The following DPP3 variants were observed in gnomAD, a reference collection of about 807,000 sequenced individuals.
The protein encoded by DPP3 is DPP III.
A neutral mutation model predicts 89.8 loss-of-function variants in DPP3; 64 were observed. That is an observed-to-expected ratio of 0.71 (90% CI 0.58 to 0.88). The LOEUF (loss-of-function observed/expected upper bound fraction) is 0.88, where lower values mean the gene tolerates loss of function less well. DPP3 is among the 40% of genes least tolerant of loss of function. The pLI is 0.00. For synonymous variants in DPP3, 377 were observed against 404.3 expected, an observed-to-expected ratio of 0.93 and a Z score of 0.81; for missense variants, 835 against 972.5, an observed-to-expected ratio of 0.86 and a Z score of 1.88.
In DPP3 at chr11:66,482,260, T is replaced by TGAGGCCTTCCGC; in HGVS notation, c.61_72dup (p.Glu21_Arg24dup). The TGAGGCCTTCCGC allele has an allele frequency of 1.2e-6, 2 of 1,614,188 alleles. No individual in the cohort carries two copies. The highest frequency in any genetic ancestry group is 1.7e-6 in the Non-Finnish European group (2 of 1,180,034). The stretch of plus-strand genomic sequence containing the variant: ...TCGGCGTGTCTAGCCTGGACTGCCG[T>TGAGGCCTTCCGC]GAGGCCTTCCGCCTGCTGTCACCCA... On this transcript the variant is annotated inframe_insertion, in exon 2 of 18. Coordinates refer to ENST00000531863, the MANE Select transcript of DPP3 (RefSeq NM_130443.4).
chr11:66,499,921 A>G (rs1855637113), intron 16 of DPP3, among the ~76,000 whole-genome samples: 1 of 152,066 alleles, frequency 6.6e-6, no homozygotes. Flanking sequence ...GTGTGTATGT[A>G]TGGTGAAAAA....
chr11:66,482,550 C>A, intron 2 of DPP3, 80 bp downstream of exon 2: 2 of 1,555,436 alleles, frequency 1.3e-6, no homozygotes, highest in Non-Finnish European at 1.7e-6. Context: ...CTGTCTCTTT[C>A]AAGGGGTAGG....
intron 17 of DPP3, among the ~76,000 whole-genome samples, chr11:66,506,630 A>C (rs1447752456): frequency 1.3e-5 from 2 of 151,478 alleles, no homozygotes; most frequent in Non-Finnish European, 2.9e-5. Flanking sequence ...ATTTGGCCCC[A>C]ACCCTTGCCA....
intron 14 of DPP3, 59 bp from the exon 15 acceptor site, chr11:66,495,571 A>T: frequency 6.2e-7 from 1 of 1,613,412 alleles, no homozygotes; most frequent in African/African-American, 1.3e-5. Flanking sequence ...GGTAGTGGCC[A>T]GTGGGATGGG....
At chr11:66,508,151 T>C (rs564928212) in intron 17 of DPP3, among the ~76,000 whole-genome samples, 3 of 152,230 alleles carry the variant, frequency 2.0e-5, no homozygotes, top group Non-Finnish European at 4.4e-5. Flanking sequence ...TGCTCTTTGC[T>C]GCTGTGCAGC....
chr11:66,503,992 C>T (rs1014468410), intron 16 of DPP3, among the ~76,000 whole-genome samples: 4 of 152,164 alleles, frequency 2.6e-5, no homozygotes, highest in Non-Finnish European at 5.9e-5. Flanking sequence ...TCTTCTCTTC[C>T]ATCCAAGATG....
At chr11:66,490,655 G>A (rs1855354556) in intron 6 of DPP3, among the ~76,000 whole-genome samples, 1 of 152,082 alleles carries the variant, frequency 6.6e-6, no homozygotes, top group Admixed American at 6.6e-5. Flanking sequence ...GATAATGTCC[G>A]CCTCCTCCCA....
Position 66,491,624 on chromosome 11 carries a change from G to T in DPP3, c.929G>T (p.Ser310Ile). The change falls in exon 8 of 18, where the codon AGT becomes ATT. Residue 310 changes from serine to isoleucine, a missense_variant and splice_region_variant. Ser to Ile is a moderately radical substitution (Grantham distance 142). Transcript: ENST00000531863. ...WIQDKGPIVE[S>I]YIGFIESYRD... ...CAGGACAAAGGCCCCATCGTGGAGA[G>T]GTGAGGCGCCAGCTCCACCCCACCT... 1 of 1,612,966 alleles carries T rather than the reference G, an allele frequency of 6.2e-7. No individual in the cohort carries two copies. Among genetic ancestry groups the T allele is most frequent in the Non-Finnish European group, 8.5e-7 (1 of 1,179,132 alleles).
chr11:66,509,184 C>G lies in DPP3; in HGVS notation c.2147C>G (p.Thr716Arg), dbSNP rs778389203. Reference protein sequence around the residue: ...EDGPELEEILTQLATADARFW... With the variant: ...EDGPELEEILRQLATADARFW... ...GGACCCGAGTTGGAGGAGATCCTCA[C>G]ACAGCTGGCCACAGCCGATGCCCGA... is the stretch of plus-strand genomic sequence containing the variant. Residue 716 changes from threonine to arginine, a missense_variant, in exon 18 of 18, where the codon ACA (threonine) becomes AGA (arginine). Physicochemically the swap from Thr to Arg is moderately conservative, Grantham distance 71 (BLOSUM62 -1). Transcript: ENST00000531863. 1 of 1,614,154 alleles carries G rather than the reference C, an allele frequency of 6.2e-7. No homozygotes were observed. Among genetic ancestry groups the G allele is most frequent in the Non-Finnish European group, 8.5e-7 (1 of 1,180,040 alleles).
intron 16 of DPP3, among the ~76,000 whole-genome samples, chr11:66,498,969 C>T (rs778451160): frequency 6.6e-6 from 1 of 152,134 alleles, no homozygotes; most frequent in African/African-American, 2.4e-5. Context: ...GCCCTGATCA[C>T]CACTGCACTC....
At chr11:66,498,405 T>C (rs561219834) in intron 16 of DPP3, among the ~76,000 whole-genome samples, 1 of 152,146 alleles carries the variant, frequency 6.6e-6, no homozygotes, top group African/African-American at 2.4e-5. Context: ...ATTTTTGTAT[T>C]TTTAGTAGAG....
At position 66,493,274 on chromosome 11, in the gene DPP3, A is replaced by G. The variant is rs925146631; in HGVS notation, c.1296+95A>G. The G allele has an allele frequency of 7.4e-5, 82 of 1,108,200 alleles. 3 individuals carry two copies. The South Asian group carries it at 8.7e-4, about 12-fold the overall frequency. The allele number at this position is 1,108,200 out of a possible 1,614,324, so 68.6% of individuals were successfully genotyped here. The stretch of plus-strand genomic sequence containing the variant: ...CCCAGAGCAGTAGAGAGGAAAGCAC[A>G]TAGCTTCAGTCCTGGCTCTGCCACT... On this transcript the variant is annotated intron_variant, in intron 11 of 17. Coordinates refer to ENST00000531863, the MANE Select transcript of DPP3 (RefSeq NM_130443.4).
intron 16 of DPP3, among the ~76,000 whole-genome samples, chr11:66,501,186 C>CA (rs777381952): frequency 1.9e-3 from 223 of 116,684 alleles, no homozygotes; most frequent in Middle Eastern, 4.9e-3. Flanking sequence ...GACTCTGTCT[C>CA]AAAAAAAAAA....
intron 12 of DPP3, among the ~76,000 whole-genome samples, chr11:66,494,926 TTGGGG>T (rs1483537202): frequency 1.3e-5 from 2 of 151,960 alleles, no homozygotes; most frequent in Non-Finnish European, 2.9e-5. Context: ...CTCACAGGAC[TTGGGG>T]CAAGTCCCTC....
At chr11:66,495,805 A>G in intron 15 of DPP3, 55 bp downstream of exon 15, 1 of 1,557,318 alleles carries the variant, frequency 6.4e-7, no homozygotes, top group Non-Finnish European at 8.7e-7. Context: ...GTGGGTGCCA[A>G]GATCAGGGTG....
chr11:66,484,422 A>G (rs927941512), intron 2 of DPP3, among the ~76,000 whole-genome samples: 16 of 152,102 alleles, frequency 1.1e-4, no homozygotes, highest in African/African-American at 3.6e-4. Flanking sequence ...CAGTGCTACC[A>G]CTGGGATGCA....
intron 9 of DPP3, among the ~76,000 whole-genome samples, chr11:66,491,958 C>G (rs1215818563): frequency 6.6e-6 from 1 of 152,214 alleles, no homozygotes; most frequent in Non-Finnish European, 1.5e-5. Flanking sequence ...TAGAGTCCAT[C>G]ATCCCATGAG....
chr11:66,505,116 G>A (rs1267193780), intron 17 of DPP3, among the ~76,000 whole-genome samples: 1 of 152,200 alleles, frequency 6.6e-6, no homozygotes, highest in Non-Finnish European at 1.5e-5. Context: ...TACCCAGGCT[G>A]GGGGTCAGGT....
intron 2 of DPP3, 58 bp downstream of exon 2, chr11:66,482,528 G>C: frequency 6.3e-7 from 1 of 1,575,822 alleles, no homozygotes. Context: ...TGAAAGACCA[G>C]GATGCAAATG....
Sources: gnomAD v4.1 joint callset for allele counts (sites outside exome capture counted in the v4.1 genomes callset) on GRCh38, gnomAD v4.1.1 for gene constraint, MANE v1.5 for transcripts, NCBI Gene and HGNC (gene_info 2026-07-23, HGNC 2026-07-21) for gene names.